CBX7: variants seen among roughly 807,000 people sequenced by gnomAD.
The protein encoded by CBX7 is chromobox 7.
CBX7 carries 14 observed loss-of-function variants against 31.4 expected under a neutral mutation model. The ratio of observed to expected loss-of-function variants is 0.45; its 90% CI spans 0.29 to 0.70. CBX7 has a LOEUF of 0.70. Among genes scored for constraint, CBX7 ranks in the 30% least tolerant of loss-of-function variants. CBX7 has a pLI of 0.11. For missense variants in CBX7, 269 were observed against 351.9 expected, an observed-to-expected ratio of 0.76 and a Z score of 1.89; for synonymous variants, 159 against 152.6, an observed-to-expected ratio of 1.04 and a Z score of -0.31.
At chr22:39,139,124 C>A (rs1930357814) in intron 3 of CBX7, among the ~76,000 whole-genome samples, 1 of 152,064 alleles carries the variant, frequency 6.6e-6, no homozygotes, top group Non-Finnish European at 1.5e-5. Flanking sequence ...AATGGCTAGT[C>A]CCTCTGCAAG....
At chr22:39,138,566 G>A in intron 4 of CBX7, 70 bp downstream of exon 4, 1 of 1,407,168 alleles carries the variant, frequency 7.1e-7, no homozygotes, top group South Asian at 1.2e-5. Flanking sequence ...CAGTGCAAAT[G>A]CACCAAGGGG....
intron 1 of CBX7, among the ~76,000 whole-genome samples, chr22:39,151,529 G>C (rs1206359487): frequency 1.3e-5 from 2 of 152,186 alleles, no homozygotes; most frequent in Non-Finnish European, 2.9e-5. Flanking sequence ...GCCCCTCCCA[G>C]TCGGCCTGGA....
Position 39,145,587 on chromosome 22 carries a change from C to T in CBX7, c.114-4151G>A, listed in dbSNP as rs547579140. Among the ~76,000 whole-genome samples the T allele has an allele frequency of 1.4e-4, 22 of 151,874 alleles. 1 individual carries two copies. In the South Asian group the frequency reaches 4.4e-3, roughly 30 times the overall value. ...CACCGGGGGACTGCGGGGGTCTGCA[C>T]TGGGCTCGCGGCGCCGGCGGGGCGG... On this transcript the variant is annotated intron_variant, in intron 2 of 5. Coordinates refer to ENST00000216133, the MANE Select transcript of CBX7 (RefSeq NM_175709.5).
chr22:39,147,086 CTTTTTTTTTTTTTTTTTTT>C (rs34901545), intron 2 of CBX7: 1 of 62,332 alleles, frequency 1.6e-5, no homozygotes, highest in Non-Finnish European at 2.8e-5. Flanking sequence ...AAAGTGTCCA[CTTTTTTTTTTTTTTTTTTT>C]TTTTTTTTTT....
intron 2 of CBX7, among the ~76,000 whole-genome samples, chr22:39,145,956 C>A (rs996981143): frequency 2.6e-5 from 4 of 152,122 alleles, no homozygotes; most frequent in East Asian, 1.9e-4. Flanking sequence ...GGTTTGGAGG[C>A]GCTGCTGAGC....
chr22:39,134,295 G>T (rs2049075807), intron 5 of CBX7, 106 bp downstream of exon 5: 2 of 1,024,928 alleles, frequency 2.0e-6, no homozygotes, highest in Non-Finnish European at 2.8e-6. Flanking sequence ...GACCCGACTG[G>T]CCCCACAAAG....
rs750208599 is a variant in CBX7 at position 39,134,694 on chromosome 22, C to T, written c.305G>A (p.Cys102Tyr). 6.3e-7 allele frequency: 1 copy of T among 1,582,366 alleles called. No individual in the cohort carries two copies. The highest frequency in any genetic ancestry group is 2.3e-5 in the East Asian group (1 of 43,208). ...SHKAKGKEKL[C>Y]FSLTCPLGSG... Reference sequence around the variant, plus strand: ...GCCGAGTGGGCACGTCAGGGAGAAGCAGAGCTTCTCCTTGCCCTTGGCCTT... The same window carrying T: ...GCCGAGTGGGCACGTCAGGGAGAAGTAGAGCTTCTCCTTGCCCTTGGCCTT... Residue 102 changes from cysteine to tyrosine, a missense_variant, in exon 5 of 6, where the codon TGC (cysteine) becomes TAC (tyrosine). By Grantham distance (194) the Cys-to-Tyr change is radical (BLOSUM62 -2). Around this residue, in one of 2 missense-constraint regions of CBX7, gnomAD observed 222 missense variants for 240.4 expected, o/e 0.92. Transcript: ENST00000216133.
intron 5 of CBX7, 112 bp downstream of exon 5, chr22:39,134,289 C>T (rs575507291): frequency 1.0e-5 from 10 of 1,001,148 alleles, no homozygotes; most frequent in South Asian, 3.4e-5. Flanking sequence ...AGCCCAGACC[C>T]GACTGGCCCC....
In CBX7 at chr22:39,134,473, C is replaced by A; in HGVS notation, c.526G>T (p.Glu176Ter). The change falls in exon 5 of 6, where the codon GAG (glutamate) becomes TAG (stop). Residue 176 changes from glutamate (E) to a stop codon, truncating the protein, a stop_gained. Transcript: ENST00000216133. LOFTEE classifies it high-confidence loss of function. ...HSHRRELFLQ[E>*]PPAPDVLQAA... ...TGCAGGACGTCTGGGGCCGGTGGCTCCTGCAGGAAGAGCTCCCGTCGATGG... is the reference window on the plus strand; with the variant it reads ...TGCAGGACGTCTGGGGCCGGTGGCTACTGCAGGAAGAGCTCCCGTCGATGG... 1 of 1,609,624 alleles carries A rather than the reference C, an allele frequency of 6.2e-7. No individual in the cohort carries two copies.
At chr22:39,138,837 C>G in intron 3 of CBX7, 135 bp from the exon 4 acceptor site, 1 of 774,880 alleles carries the variant, frequency 1.3e-6, no homozygotes, top group Non-Finnish European at 2.2e-6. Flanking sequence ...ACCAATCCTC[C>G]CCATTGCCTG....
At chr22:39,144,541 G>A (rs964899102) in intron 2 of CBX7, among the ~76,000 whole-genome samples, 13 of 152,250 alleles carry the variant, frequency 8.5e-5, no homozygotes, top group African/African-American at 3.1e-4. Context: ...GGGAAGGGCT[G>A]GGGAGCCCCT....
rs147104497 is a variant in CBX7 at position 39,149,824 on chromosome 22, G to C, written c.78C>G (p.Val26=). The change falls in exon 2 of 6, where the codon GTC becomes GTG. Residue 26 remains valine (V), a synonymous_variant. Transcript: ENST00000216133. ...ATCCTTTCCACTTCACCAGATACTC[G>C]ACTTTACCCTGAGAAGAGAGAGAAG... The part of the protein sequence containing the change: ...IRKKRVRKGK[V]EYLVKWKGWP... The C allele has an allele frequency of 3.0e-4, 477 of 1,613,728 alleles. 2 individuals are homozygous for C. The Middle Eastern group carries it at 5.8e-3, about 20-fold the overall frequency.
intron 2 of CBX7, among the ~76,000 whole-genome samples, chr22:39,142,513 C>A (rs1930496637): frequency 6.6e-6 from 1 of 152,340 alleles, no homozygotes. Flanking sequence ...CCAGGGAGCA[C>A]CCTCCTGCTG....
intron 2 of CBX7, among the ~76,000 whole-genome samples, chr22:39,145,688 G>A (rs1045400535): frequency 6.6e-6 from 1 of 150,520 alleles, no homozygotes; most frequent in African/African-American, 2.4e-5. Context: ...CGCACGGGGA[G>A]GGGCGCGCGC....
intron 4 of CBX7, among the ~76,000 whole-genome samples, 181 bp downstream of exon 4, chr22:39,138,455 G>A (rs1036315340): frequency 3.3e-5 from 5 of 152,118 alleles, no homozygotes; most frequent in African/African-American, 1.2e-4. Context: ...AGCCCCACAC[G>A]CAGGCTTTTC....
chr22:39,139,180 T>C (rs1235819664), intron 3 of CBX7, among the ~76,000 whole-genome samples: 4 of 152,204 alleles, frequency 2.6e-5, no homozygotes, highest in East Asian at 1.9e-4. Context: ...TCTGTGAACC[T>C]GGGAGAGCGG....
intron 2 of CBX7, among the ~76,000 whole-genome samples, chr22:39,145,753 C>G: frequency 6.7e-6 from 1 of 149,782 alleles, no homozygotes; most frequent in Non-Finnish European, 1.5e-5. Context: ...AGGGACGGCG[C>G]GCGCCGGCTC....
At chr22:39,151,250 G>A (rs572155897) in intron 1 of CBX7, among the ~76,000 whole-genome samples, 1 of 152,326 alleles carries the variant, frequency 6.6e-6, no homozygotes, top group Non-Finnish European at 1.5e-5. Flanking sequence ...AGGAGAAGGA[G>A]GAGGAACAGC....
intron 4 of CBX7, 35 bp downstream of exon 4, chr22:39,138,601 G>C (rs369826665): frequency 9.3e-6 from 15 of 1,607,592 alleles, no homozygotes; most frequent in Admixed American, 1.7e-5. Flanking sequence ...GGGTTGGGCA[G>C]GGGGAGAAAG....
Sources: allele counts gnomAD v4.1 joint callset (sites outside exome capture counted in the v4.1 genomes callset), GRCh38; gene constraint gnomAD v4.1.1; regional missense constraint gnomAD v4.1.1; transcripts MANE v1.5; gene names NCBI Gene and HGNC (gene_info 2026-07-23, HGNC 2026-07-21).